EFCC1: variants seen among roughly 807,000 people sequenced by gnomAD.
The protein encoded by EFCC1 is EF-hand and coiled-coil domain-containing protein 1.
In EFCC1, 50 loss-of-function variants were observed where a neutral mutation model predicts 52.1. The ratio of observed to expected loss-of-function variants is 0.96; its 90% CI spans 0.76 to 1.21. The LOEUF (loss-of-function observed/expected upper bound fraction) is 1.21. EFCC1 is among the 50% of genes most tolerant of loss of function. The pLI is 0.00. For missense variants in EFCC1, 837 were observed against 867.3 expected, an observed-to-expected ratio of 0.97 and a Z score of 0.44; for synonymous variants, 399 against 396.5, an observed-to-expected ratio of 1.01 and a Z score of -0.08.
At chr3:129,039,385 G>A (rs1040637503) in intron 7 of EFCC1, among the ~76,000 whole-genome samples, 1 of 152,210 alleles carries the variant, frequency 6.6e-6, no homozygotes, top group Admixed American at 6.5e-5. Context: ...GCCAGGCCGA[G>A]CTCCTGCCTC....
chr3:129,036,840 C>T (rs532333422), intron 5 of EFCC1, 137 bp from the exon 6 acceptor site: 24 of 1,254,632 alleles, frequency 1.9e-5, no homozygotes, highest in East Asian at 1.9e-4. Flanking sequence ...CAGTCCAACC[C>T]GCTGTGTGGC....
chr3:129,025,233 G>A (rs1351219879), intron 2 of EFCC1, among the ~76,000 whole-genome samples: 1 of 152,190 alleles, frequency 6.6e-6, no homozygotes, highest in Non-Finnish European at 1.5e-5. Flanking sequence ...TAGAGCGAGT[G>A]CACACTGAGG....
At chr3:129,028,167 G>C (rs145931659) in intron 2 of EFCC1, among the ~76,000 whole-genome samples, 2 of 149,542 alleles carry the variant, frequency 1.3e-5, no homozygotes, top group African/African-American at 4.9e-5. Context: ...TACGGCAACC[G>C]CCACCTCCTG....
At chr3:129,003,723 C>A in intron 1 of EFCC1, 71 bp from the exon 2 acceptor site, 1 of 1,259,606 alleles carries the variant, frequency 7.9e-7, no homozygotes, top group South Asian at 2.0e-5. Context: ...GGGCCGCCGT[C>A]GTGGCGGGCG....
intron 2 of EFCC1, among the ~76,000 whole-genome samples, chr3:129,018,396 C>T (rs1316719309): frequency 6.6e-6 from 1 of 152,216 alleles, no homozygotes; most frequent in African/African-American, 2.4e-5. Flanking sequence ...AGGGATATTT[C>T]ATGACATATG....
chr3:129,011,331 A>T (rs1055152832), intron 2 of EFCC1, among the ~76,000 whole-genome samples: 3 of 152,140 alleles, frequency 2.0e-5, no homozygotes, highest in Non-Finnish European at 4.4e-5. Flanking sequence ...TGGGTGGATC[A>T]CCTGAGGTCA....
At position 129,002,093 on chromosome 3, in the gene EFCC1, C is replaced by A; in HGVS notation, c.465C>A (p.Thr155=). The change falls in exon 1 of 8, where the codon ACC becomes ACA. Residue 155 remains threonine, a synonymous_variant. Coordinates refer to ENST00000683648, the MANE Select transcript of EFCC1 (RefSeq NM_001377500.1). ...FHARLCGYFG[T]RAGPRLPRGA... ...CGCGCCTCTGTGGCTACTTCGGCAC[C>A]CGTGCGGGGCCCCGGCTGCCCCGCG... is the stretch of plus-strand genomic sequence containing the variant. 6.6e-7 allele frequency: 1 copy of A among 1,511,192 alleles called. No homozygotes were observed. The highest frequency in any genetic ancestry group is 8.8e-7 in the Non-Finnish European group (1 of 1,131,738). 93.6% of individuals were successfully genotyped at this position (1,511,192 alleles called of 1,614,324 possible). A position where few individuals can be genotyped will look rare whatever the true frequency, so the allele number is the denominator to read the frequency against.
At chr3:129,038,749 C>T (rs1946387366) in intron 6 of EFCC1, 82 bp from the exon 7 acceptor site, 1 of 1,414,046 alleles carries the variant, frequency 7.1e-7, no homozygotes, top group East Asian at 2.3e-5. Flanking sequence ...GCCTAGAAGC[C>T]CGTAGGGGCC....
chr3:129,013,924 A>T (rs1238041943), intron 2 of EFCC1, among the ~76,000 whole-genome samples: 2 of 152,166 alleles, frequency 1.3e-5, no homozygotes, highest in Non-Finnish European at 2.9e-5. Context: ...CTTCTTTGTG[A>T]CTAGGCAGGG....
intron 2 of EFCC1, among the ~76,000 whole-genome samples, chr3:129,029,362 T>C (rs1183494218): frequency 3.3e-5 from 5 of 152,008 alleles, no homozygotes; most frequent in African/African-American, 1.2e-4. Context: ...AAGTGATTGG[T>C]GGGGTGTAAT....
intron 5 of EFCC1, among the ~76,000 whole-genome samples, chr3:129,035,444 G>A (rs1946342847): frequency 6.6e-6 from 1 of 152,228 alleles, no homozygotes; most frequent in South Asian, 2.1e-4. Flanking sequence ...TTGAGTCACT[G>A]GGGGCAGGAG....
At chr3:129,005,787 G>A (rs1945049069) in intron 2 of EFCC1, among the ~76,000 whole-genome samples, 1 of 152,276 alleles carries the variant, frequency 6.6e-6, no homozygotes, top group African/African-American at 2.4e-5. Context: ...GGCAGACTCT[G>A]GGCCAGCCTC....
Position 129,001,754 on chromosome 3 carries a change from C to T in EFCC1, c.126C>T (p.Arg42=), listed in dbSNP as rs775534884. Residue 42 remains arginine, a synonymous_variant, in exon 1 of 8, where the codon CGC becomes CGT. Coordinates refer to ENST00000683648, the MANE Select transcript of EFCC1 (RefSeq NM_001377500.1). ...SALAHHYGLD[R]GVENEIVVLA... ...TGGCGCACCACTACGGGCTGGACCG[C>T]GGCGTGGAGAACGAGATCGTGGTGC... The T allele has an allele frequency of 9.1e-6, 14 of 1,541,388 alleles. No individual in the cohort carries two copies. The highest frequency in any genetic ancestry group is 2.5e-5 in the East Asian group (1 of 40,532).
At position 129,001,389 on chromosome 3, in the gene EFCC1, G is replaced by C. The variant is rs908999543; in HGVS notation, c.-240G>C. ...AGACCCAGACGCCGACCGGGCACTG[G>C]TGGCGCTGCCGGGGTCCCGGGGGTT... On this transcript the variant is annotated 5_prime_UTR_variant, in exon 1 of 8. Transcript: ENST00000683648. Among the ~76,000 whole-genome samples, 1 of 152,232 alleles carries C rather than the reference G, an allele frequency of 6.6e-6. No individual in the cohort carries two copies. The highest frequency in any genetic ancestry group is 6.5e-5 in the Admixed American group (1 of 15,288).
rs1177186801 is a variant in EFCC1 at position 129,003,965 on chromosome 3, C to T, written c.868C>T (p.Gln290Ter). The T allele has an allele frequency of 3.4e-6, 5 of 1,449,990 alleles. No homozygotes were observed. The South Asian group carries it at 5.3e-5, about 15-fold the overall frequency. The allele number at this position is 1,449,990 out of a possible 1,614,324, so 89.8% of individuals were successfully genotyped here. ...GCGGCGGCGCGCGGAGGAGGCCCGG[C>T]AGGTGGTGCTGCGCAGCCTGCACCG... ...EVRRRAEEAR[Q>*]VVLRSLHRVR... Residue 290 changes from glutamine (Q) to a stop codon, truncating the protein, a stop_gained, in exon 2 of 8, where the codon CAG (glutamine) becomes TAG (stop). Transcript: ENST00000683648. LOFTEE classifies it high-confidence loss of function.
chr3:129,009,371 C>G (rs576908035), intron 2 of EFCC1, among the ~76,000 whole-genome samples: 1 of 152,314 alleles, frequency 6.6e-6, no homozygotes, highest in Admixed American at 6.5e-5. Flanking sequence ...GCTTTACTCT[C>G]TGGCAAATTC....
intron 2 of EFCC1, among the ~76,000 whole-genome samples, chr3:129,024,981 G>A (rs928771031): frequency 6.6e-6 from 1 of 152,186 alleles, no homozygotes; most frequent in Admixed American, 6.5e-5. Context: ...GGGTGGTCAA[G>A]TGGGTGATGG....
chr3:129,030,354 T>A (rs1380446274), intron 2 of EFCC1: 1 of 182,014 alleles, frequency 5.5e-6, no homozygotes, highest in East Asian at 1.3e-4. Flanking sequence ...CATTTTTTCA[T>A]GTCACAAGAT....
At chr3:129,003,559 T>TG (rs1336594546) in intron 1 of EFCC1, among the ~76,000 whole-genome samples, 4 of 136,670 alleles carry the variant, frequency 2.9e-5, no homozygotes, top group African/African-American at 1.1e-4. Context: ...GAAAAAACGT[T>TG]GGGGGGTGGG....
Sources: allele counts gnomAD v4.1 joint callset (sites outside exome capture counted in the v4.1 genomes callset), GRCh38; gene constraint gnomAD v4.1.1; transcripts MANE v1.5; gene names NCBI Gene and HGNC (gene_info 2026-07-23, HGNC 2026-07-21).